Variants in ZBTB11 observed in about 807,000 individuals in gnomAD.
ZBTB11 encodes the protein zinc finger and BTB domain containing 11.
A neutral mutation model predicts 113.1 loss-of-function variants in ZBTB11; 68 were observed. The observed-to-expected ratio is 0.60, with a 90% CI of 0.49 to 0.74. The LOEUF (loss-of-function observed/expected upper bound fraction) is 0.74. ZBTB11 is among the 30% of genes least tolerant of loss of function. The pLI is 0.00. For missense variants in ZBTB11, 1,104 were observed against 1,279.4 expected, an observed-to-expected ratio of 0.86 and a Z score of 2.09; for synonymous variants, 518 against 452.6, an observed-to-expected ratio of 1.14 and a Z score of -1.83.
In ZBTB11 at chr3:101,665,060, T is replaced by C. The variant is rs756540116; in HGVS notation, c.1527A>G (p.Gln509=). 7 of 1,614,068 alleles carry C rather than the reference T, an allele frequency of 4.3e-6. No homozygotes were observed. The African/African-American group carries it at 6.7e-5, about 15-fold the overall frequency. The change falls in exon 4 of 11, where the codon CAA becomes CAG. Residue 509 remains glutamine (Q), a synonymous_variant. Transcript: ENST00000312938. The part of the protein sequence containing the change: ...DDDTYRSRLR[Q]RSVNEGAYIR... ...TATATGCCCCTTCATTAACAGAACG[T>C]TGTCGAAGCCTGCTTCTATAAGTAT...
At chr3:101,674,626 G>C (rs1239770375) in intron 1 of ZBTB11, among the ~76,000 whole-genome samples, 3 of 151,922 alleles carry the variant, frequency 2.0e-5, no homozygotes, top group African/African-American at 7.3e-5. Flanking sequence ...CTTGAACCCG[G>C]GAGGTGGAGT....
At chr3:101,676,498 G>C in intron 1 of ZBTB11, 107 bp downstream of exon 1, 2 of 1,201,190 alleles carry the variant, frequency 1.7e-6, no homozygotes, top group Non-Finnish European at 2.2e-6. Context: ...CCGCCGCCCA[G>C]AGGCGTCCGA....
intron 5 of ZBTB11, among the ~76,000 whole-genome samples, chr3:101,663,749 G>A (rs377348694): frequency 6.6e-6 from 1 of 152,080 alleles, no homozygotes; most frequent in Non-Finnish European, 1.5e-5. Context: ...AATTAGCCAG[G>A]CATGGTGGCT....
intron 5 of ZBTB11, among the ~76,000 whole-genome samples, chr3:101,662,907 G>C (rs1309995004): frequency 6.6e-6 from 1 of 151,568 alleles, no homozygotes; most frequent in Non-Finnish European, 1.5e-5. Context: ...GGGACTACAG[G>C]TGTGTGCCAC....
intron 8 of ZBTB11, among the ~76,000 whole-genome samples, chr3:101,653,317 A>C (rs1936738710): frequency 6.6e-6 from 1 of 152,214 alleles, no homozygotes; most frequent in African/African-American, 2.4e-5. Flanking sequence ...TAATCACAAC[A>C]AAGCATTCCC....
In ZBTB11 at chr3:101,659,911, T is replaced by G; in HGVS notation, c.1918A>C (p.Thr640Pro). ...SNSTSNEASG[T>P]SSEKGRTKRE... ...TTGGTTCTGCCCTTCTCAGATGATGTTCCCGATGCTTCATTAGACGTGGAA... is the reference window on the plus strand; with the variant it reads ...TTGGTTCTGCCCTTCTCAGATGATGGTCCCGATGCTTCATTAGACGTGGAA... The change falls in exon 6 of 11, where the codon ACA (threonine) becomes CCA (proline). Residue 640 changes from threonine to proline, a missense_variant. Transcript: ENST00000312938. 1.2e-6 allele frequency: 2 copies of G among 1,614,234 alleles called. No homozygotes were observed. Among genetic ancestry groups the G allele is most frequent in the Non-Finnish European group, 1.7e-6 (2 of 1,180,038 alleles).
At chr3:101,652,701 T>TG (rs1345548271) in intron 9 of ZBTB11, 30 bp from the exon 10 acceptor site, 7 of 1,611,406 alleles carry the variant, frequency 4.3e-6, no homozygotes, top group Non-Finnish European at 5.9e-6. Flanking sequence ...CCAATTATTT[T>TG]GTCCAAAGAA....
At chr3:101,655,493 TG>T (rs1282410511) in intron 7 of ZBTB11, among the ~76,000 whole-genome samples, 1 of 152,200 alleles carries the variant, frequency 6.6e-6, no homozygotes, top group Non-Finnish European at 1.5e-5. Context: ...CCAACTACTA[TG>T]TTGACATTAT....
intron 6 of ZBTB11, among the ~76,000 whole-genome samples, chr3:101,658,927 A>G (rs1050889403): frequency 6.6e-6 from 1 of 152,238 alleles, no homozygotes; most frequent in Non-Finnish European, 1.5e-5. Context: ...ATTGGTTCCA[A>G]AACTGTTTTT....
At chr3:101,662,093 G>A (rs879870814) in intron 5 of ZBTB11, 1 of 151,928 alleles carries the variant, frequency 6.6e-6, no homozygotes, top group African/African-American at 2.4e-5. Context: ...TGAGAAGGGG[G>A]TAAAGAGTAG....
At chr3:101,675,734 C>CA (rs2108330377) in intron 1 of ZBTB11, among the ~76,000 whole-genome samples, 1 of 152,320 alleles carries the variant, frequency 6.6e-6, no homozygotes, top group Admixed American at 6.5e-5. Context: ...TGCGTATATA[C>CA]AATGCTACAC....
rs758186594 is a variant in ZBTB11, at chr3:101,676,768, G to A, written c.147C>T (p.Tyr49=). The A allele has an allele frequency of 2.5e-6, 4 of 1,610,492 alleles. No individual in the cohort carries two copies. In the Admixed American group the frequency reaches 6.7e-5, roughly 27 times the overall value. Reference sequence around the variant, plus strand: ...TCTTGCGGTGCCGCTGCCGCCGCTGGTAATACAGAGTCCCGCCGCGCACCA... The same window carrying A: ...TCTTGCGGTGCCGCTGCCGCCGCTGATAATACAGAGTCCCGCCGCGCACCA... ...CYVVRGGTLY[Y]QRRQRHRKTF... The change falls in exon 1 of 11, where the codon TAC becomes TAT. Residue 49 remains tyrosine, a synonymous_variant. Transcript: ENST00000312938.
intron 5 of ZBTB11, among the ~76,000 whole-genome samples, chr3:101,663,554 G>A (rs1042317815): frequency 2.6e-5 from 4 of 152,132 alleles, no homozygotes; most frequent in Admixed American, 2.0e-4. Context: ...TTTCATCTCT[G>A]AGATGGTGGG....
chr3:101,659,685 T>C, intron 6 of ZBTB11, 98 bp downstream of exon 6: 1 of 1,431,820 alleles, frequency 7.0e-7, no homozygotes, highest in Non-Finnish European at 9.5e-7. Context: ...ATTTTACAAA[T>C]GAGAGTGACT....
chr3:101,672,425 A>G (rs528260915), intron 1 of ZBTB11, among the ~76,000 whole-genome samples: 1 of 152,230 alleles, frequency 6.6e-6, no homozygotes, highest in East Asian at 1.9e-4. Context: ...AATTTTTTTT[A>G]TTTATTCCCA....
Position 101,652,849 on chromosome 3 carries a change from T to A in ZBTB11, c.2399A>T (p.Asp800Val). 1 of 1,614,142 alleles carries A rather than the reference T, an allele frequency of 6.2e-7. No individual in the cohort carries two copies. Among genetic ancestry groups the A allele is most frequent in the Non-Finnish European group, 8.5e-7 (1 of 1,179,998 alleles). ...ATCTTTCTTCCAACTATAGCACTTATCACAAAATTGGCACTGGAATGGCTT... is the reference window on the plus strand; with the variant it reads ...ATCTTTCTTCCAACTATAGCACTTAACACAAAATTGGCACTGGAATGGCTT... ...GVKPFQCQFC[D>V]KCYSWKKDWY... is the part of the protein sequence containing the mutation. The change falls in exon 9 of 11, where the codon GAT becomes GTT. Residue 800 changes from aspartate (D) to valine (V), a missense_variant. Asp to Val is a radical substitution (Grantham distance 152). Transcript: ENST00000312938.
intron 7 of ZBTB11, among the ~76,000 whole-genome samples, chr3:101,655,684 G>A (rs982492428): frequency 1.3e-4 from 20 of 149,096 alleles, no homozygotes; most frequent in African/African-American, 2.2e-4. Flanking sequence ...TTTTTGAGAC[G>A]GATTCTTGCT....
At chr3:101,662,889 A>G (rs1936916681) in intron 5 of ZBTB11, among the ~76,000 whole-genome samples, 1 of 151,728 alleles carries the variant, frequency 6.6e-6, no homozygotes, top group African/African-American at 2.4e-5. Context: ...AGCCCCCAAC[A>G]AATAGCTGGG....
chr3:101,660,790 C>T (rs560470799), intron 5 of ZBTB11, among the ~76,000 whole-genome samples: 22 of 152,336 alleles, frequency 1.4e-4, no homozygotes, highest in African/African-American at 5.1e-4. Context: ...ATTATTACCA[C>T]TGGGCCACAT....
Sources: allele counts gnomAD v4.1 joint callset (sites outside exome capture counted in the v4.1 genomes callset), GRCh38; gene constraint gnomAD v4.1.1; transcripts MANE v1.5; gene names NCBI Gene and HGNC (gene_info 2026-07-23, HGNC 2026-07-21).